Variants in CDH13 observed in about 807,000 individuals in gnomAD.
CDH13 encodes the protein cadherin 13, also known as cadherin-13.
CDH13 carries 24 observed loss-of-function variants against 63.8 expected under a neutral mutation model. The observed-to-expected ratio is 0.38, with a 90% CI of 0.27 to 0.53. The LOEUF (loss-of-function observed/expected upper bound fraction) is 0.53. Ranked by LOEUF, CDH13 falls within the 20% of genes least tolerant of loss-of-function variation. CDH13 has a pLI of 0.85. For missense variants in CDH13, 1,049 were observed against 903.1 expected (o/e 1.16, Z -2.07); for synonymous variants, 503 against 355.3 (o/e 1.42, Z -4.67).
intron 3 of CDH13, among the ~76,000 whole-genome samples, chr16:83,043,155 A>T (rs976625535): frequency 6.6e-6 from 1 of 152,320 alleles, no homozygotes; most frequent in Non-Finnish European, 1.5e-5. Context: ...TAGCTCCAGG[A>T]TACTATTCAT....
rs142766429 is a variant in CDH13 at position 82,805,053 on chromosome 16, G to T, written c.46-53309G>T. On this transcript the variant is annotated intron_variant, in intron 1 of 13. Transcript: ENST00000567109. ...GGAAAAGCATGAAGATAAGGGACAC[G>T]GCATCGTTAAGTATCCCGGGTTTGT... Among the ~76,000 whole-genome samples the T allele has an allele frequency of 3.0e-3, 462 of 152,230 alleles. 2 individuals are homozygous for T. The highest frequency in any genetic ancestry group is 0.011 in the African/African-American group (445 of 41,552).
chr16:82,992,300 C>G (rs1482104186), intron 2 of CDH13, among the ~76,000 whole-genome samples: 1 of 152,150 alleles, frequency 6.6e-6, no homozygotes, highest in Non-Finnish European at 1.5e-5. Flanking sequence ...TCGTGGGCAT[C>G]AGAATCACCA....
rs550332102 is a variant in CDH13, at chr16:83,087,160, C to T, written c.367-38225C>T. 6.6e-5 allele frequency among the ~76,000 whole-genome samples: 10 copies of T among 152,216 alleles called. No individual in the cohort carries two copies. In the South Asian group the frequency reaches 8.3e-4, roughly 13 times the overall value. ...CAATTAATCCTGATGAAAATAATTCCAGCAAAGTAAAATTGATTTTTTTAA... is the reference window on the plus strand; with the variant it reads ...CAATTAATCCTGATGAAAATAATTCTAGCAAAGTAAAATTGATTTTTTTAA... On this transcript the variant is annotated intron_variant, in intron 3 of 13. Transcript: ENST00000567109.
At chr16:83,369,396 G>A (rs1162148396) in intron 6 of CDH13, among the ~76,000 whole-genome samples, 1 of 151,820 alleles carries the variant, frequency 6.6e-6, no homozygotes, top group Admixed American at 6.6e-5. Flanking sequence ...CCTCCTTTCA[G>A]AGTGACCAGA....
At chr16:82,937,098 A>T (rs1055699033) in intron 2 of CDH13, among the ~76,000 whole-genome samples, 1 of 152,188 alleles carries the variant, frequency 6.6e-6, no homozygotes, top group East Asian at 1.9e-4. Context: ...TTTTAAGAAA[A>T]TAGAAATAGT....
chr16:83,278,311 A>G (rs965878715), intron 5 of CDH13, among the ~76,000 whole-genome samples: 6 of 152,164 alleles, frequency 3.9e-5, no homozygotes, highest in Admixed American at 2.0e-4. Flanking sequence ...ATTTTCTTTT[A>G]GCTCTTCCCC....
intron 1 of CDH13, among the ~76,000 whole-genome samples, chr16:82,804,633 A>G (rs2037054442): frequency 1.3e-5 from 2 of 152,168 alleles, no homozygotes; most frequent in African/African-American, 4.8e-5. Context: ...CAGTTTGTGG[A>G]TTAGGAGACA....
intron 10 of CDH13, among the ~76,000 whole-genome samples, chr16:83,696,298 C>A (rs1447437857): frequency 6.6e-6 from 1 of 152,098 alleles, no homozygotes; most frequent in Non-Finnish European, 1.5e-5. Flanking sequence ...CGTTAAACAC[C>A]TGTGATATCT....
rs188202417 is a variant in CDH13 at position 83,589,719 on chromosome 16, G to A, written c.961-12735G>A. 3.9e-3 allele frequency among the ~76,000 whole-genome samples: 590 copies of A among 152,174 alleles called. 3 individuals carry two copies. The highest frequency in any genetic ancestry group is 8.5e-3 in the African/African-American group (351 of 41,530). ...GCATCTCACAGCATAATCACAGGACGGACGTGTGAAGGGAAAATTGCTATA... is the reference window on the plus strand; with the variant it reads ...GCATCTCACAGCATAATCACAGGACAGACGTGTGAAGGGAAAATTGCTATA... On this transcript the variant is annotated intron_variant, in intron 7 of 13. Coordinates refer to ENST00000567109, the MANE Select transcript of CDH13 (RefSeq NM_001257.5).
chr16:83,510,994 A>G (rs950232182), intron 7 of CDH13, among the ~76,000 whole-genome samples: 5 of 152,256 alleles, frequency 3.3e-5, no homozygotes, highest in African/African-American at 1.2e-4. Flanking sequence ...AACTGCACAC[A>G]TTGGTATTAC....
intron 5 of CDH13, among the ~76,000 whole-genome samples, chr16:83,292,975 G>C (rs1466012153): frequency 6.6e-6 from 1 of 152,152 alleles, no homozygotes; most frequent in Non-Finnish European, 1.5e-5. Flanking sequence ...TTGGATAAAT[G>C]ACTAAATTTG....
chr16:83,438,003 C>G (rs1448297667), intron 6 of CDH13, among the ~76,000 whole-genome samples: 4 of 152,188 alleles, frequency 2.6e-5, no homozygotes, highest in African/African-American at 9.7e-5. Flanking sequence ...CCTATCCTCT[C>G]TGCTTCAGCC....
chr16:83,229,819 T>C (rs1467906616), intron 5 of CDH13, among the ~76,000 whole-genome samples: 3 of 152,166 alleles, frequency 2.0e-5, no homozygotes, highest in Non-Finnish European at 4.4e-5. Flanking sequence ...CTCGTTCCTG[T>C]TTCTGCATGT....
intron 2 of CDH13, among the ~76,000 whole-genome samples, chr16:82,988,850 T>C (rs1597366335): frequency 6.6e-6 from 1 of 150,726 alleles, no homozygotes; most frequent in South Asian, 2.1e-4. Context: ...TCCCGCAAGG[T>C]AGGAGGTGTT....
chr16:82,992,525 T>C (rs150093237), intron 2 of CDH13, among the ~76,000 whole-genome samples: 1,683 of 152,244 alleles, frequency 0.011, 30 homozygotes, highest in African/African-American at 0.035. Context: ...TTAGAGATAA[T>C]CTAACATTCT....
chr16:83,538,632 A>G (rs12444964), intron 7 of CDH13, among the ~76,000 whole-genome samples: 38,282 of 152,160 alleles, frequency 0.25, 5,040 homozygotes, highest in East Asian at 0.4. Flanking sequence ...GTAGATTGGC[A>G]TCGACTTAGT....
intron 1 of CDH13, among the ~76,000 whole-genome samples, chr16:82,784,678 C>T (rs1269257691): frequency 6.6e-6 from 1 of 152,014 alleles, no homozygotes; most frequent in African/African-American, 2.4e-5. Context: ...CTTCAGGGCA[C>T]CATGAGAGCT....
In CDH13 at chr16:83,678,200, C is replaced by G; in HGVS notation, c.1285-8C>G. 2 of 1,606,664 alleles carry G rather than the reference C, an allele frequency of 1.2e-6. No individual in the cohort carries two copies. Among genetic ancestry groups the G allele is most frequent in the Non-Finnish European group, 1.7e-6 (2 of 1,174,366 alleles). On this transcript the variant is annotated splice_region_variant and splice_polypyrimidine_tract_variant and intron_variant, in intron 9 of 13. Coordinates refer to ENST00000567109, the MANE Select transcript of CDH13 (RefSeq NM_001257.5). The stretch of plus-strand genomic sequence containing the variant: ...GTGCATCCTGAGACCCTTCTGTCTG[C>G]TTTCCAGCCATTGGACTATGAAATT...
rs1914419925 is a variant in CDH13, at chr16:83,766,798, T to G, written c.1682-13170T>G. 2.0e-5 allele frequency among the ~76,000 whole-genome samples: 3 copies of G among 152,086 alleles called. No homozygotes were observed. The South Asian group carries it at 6.2e-4, about 32-fold the overall frequency. On this transcript the variant is annotated intron_variant, in intron 11 of 13. Coordinates refer to ENST00000567109, the MANE Select transcript of CDH13 (RefSeq NM_001257.5). Reference sequence around the variant, plus strand: ...TGTCAAGGGCAGGACCAGGTGGAGGTAACTGAATCATGGGGGCAGTTTCCT... The same window carrying G: ...TGTCAAGGGCAGGACCAGGTGGAGGGAACTGAATCATGGGGGCAGTTTCCT...
Sources: allele counts gnomAD v4.1 joint callset (sites outside exome capture counted in the v4.1 genomes callset), GRCh38; gene constraint gnomAD v4.1.1; transcripts MANE v1.5; gene names NCBI Gene and HGNC (gene_info 2026-07-23, HGNC 2026-07-21).